The following GRM8 variants were observed in gnomAD, a reference collection of about 807,000 sequenced individuals.
The protein encoded by GRM8 is glutamate metabotropic receptor 8.
In GRM8, 47 loss-of-function variants were observed where a neutral mutation model predicts 87.2. The ratio of observed to expected loss-of-function variants is 0.54; its 90% CI spans 0.43 to 0.69. GRM8 has a LOEUF of 0.69. GRM8 is among the 30% of genes least tolerant of loss of function. GRM8 has a pLI of 0.00. For synonymous variants in GRM8, 396 were observed against 404.5 expected (o/e 0.98, Z 0.25); for missense variants, 1,019 against 1,139.2 (o/e 0.89, Z 1.52).
intron 3 of GRM8, among the ~76,000 whole-genome samples, chr7:126,972,645 T>C (rs1323795651): frequency 6.6e-6 from 1 of 152,236 alleles, no homozygotes; most frequent in Non-Finnish European, 1.5e-5. Flanking sequence ...AGGAAGGATA[T>C]TGTCAGTTCA....
At chr7:126,976,816 G>T (rs1154333) in intron 3 of GRM8, among the ~76,000 whole-genome samples, 116,775 of 151,946 alleles carry the variant, frequency 0.77, 45,225 homozygotes, top group East Asian at 0.97. Context: ...TCGACTTGAA[G>T]GAGAAGGAAG....
chr7:126,847,381 T>C (rs1796796380), intron 6 of GRM8, among the ~76,000 whole-genome samples: 1 of 152,184 alleles, frequency 6.6e-6, no homozygotes, highest in Non-Finnish European at 1.5e-5. Context: ...AGATATCTAA[T>C]GCTGTGTAAC....
intron 6 of GRM8, among the ~76,000 whole-genome samples, chr7:126,858,930 T>G (rs149493947): frequency 5.1e-4 from 78 of 152,242 alleles, no homozygotes; most frequent in African/African-American, 1.9e-3. Flanking sequence ...CTCTGCCTTG[T>G]TATTGGTTTT....
intron 6 of GRM8, among the ~76,000 whole-genome samples, chr7:126,801,693 G>A (rs1215219591): frequency 1.3e-5 from 2 of 152,036 alleles, no homozygotes; most frequent in African/African-American, 4.8e-5. Context: ...AGAGGGGAGG[G>A]AGAGGGAGAG....
At chr7:126,514,306 G>T (rs1811859728) in intron 9 of GRM8, among the ~76,000 whole-genome samples, 1 of 152,106 alleles carries the variant, frequency 6.6e-6, no homozygotes, top group African/African-American at 2.4e-5. Flanking sequence ...TTTTATAGGA[G>T]CCTAGTTCAA....
chr7:127,223,212 C>T (rs1457192133), intron 2 of GRM8, among the ~76,000 whole-genome samples: 1 of 152,054 alleles, frequency 6.6e-6, no homozygotes, highest in African/African-American at 2.4e-5. Flanking sequence ...AATGACATGG[C>T]AACGAGTTCC....
intron 7 of GRM8, among the ~76,000 whole-genome samples, chr7:126,710,827 T>A (rs1170412217): frequency 2.0e-5 from 3 of 152,224 alleles, no homozygotes; most frequent in African/African-American, 7.2e-5. Context: ...TTCAATTTCC[T>A]TTGCCTGGAT....
intron 7 of GRM8, among the ~76,000 whole-genome samples, chr7:126,645,996 C>T (rs1308912474): frequency 6.6e-6 from 1 of 152,104 alleles, no homozygotes; most frequent in Non-Finnish European, 1.5e-5. Context: ...TTTACTCACC[C>T]CCTCCCTCTC....
rs543998442 is a variant in GRM8 at position 126,622,878 on chromosome 7, A to C, written c.1358-13380T>G. 3.9e-4 allele frequency among the ~76,000 whole-genome samples: 60 copies of C among 152,242 alleles called. No individual in the cohort carries two copies. The South Asian group carries it at 0.012, about 32-fold the overall frequency. On this transcript the variant is annotated intron_variant, in intron 7 of 10. Transcript: ENST00000339582. ...ACATTTTAAGTTAAAATTTAACCTC[A>C]TTCCTCCACTGATGAGTCTCAAATT...
At chr7:127,033,069 C>T (rs1473901802) in intron 3 of GRM8, among the ~76,000 whole-genome samples, 4 of 146,530 alleles carry the variant, frequency 2.7e-5, no homozygotes, top group African/African-American at 1.0e-4. Context: ...AGCATAGTGA[C>T]AAGAATTTTT....
intron 6 of GRM8, among the ~76,000 whole-genome samples, chr7:126,778,774 C>T (rs1449898825): frequency 6.6e-6 from 1 of 152,060 alleles, no homozygotes; most frequent in African/African-American, 2.4e-5. Flanking sequence ...CTACCCCCAC[C>T]CCCAATATGT....
intron 3 of GRM8, among the ~76,000 whole-genome samples, chr7:127,077,771 A>G (rs1822438886): frequency 6.6e-6 from 1 of 152,128 alleles, no homozygotes. Context: ...CTTTCTCATT[A>G]TCTTGCTCCC....
At chr7:126,564,674 C>T (rs1794039416) in intron 8 of GRM8, among the ~76,000 whole-genome samples, 1 of 152,090 alleles carries the variant, frequency 6.6e-6, no homozygotes, top group Non-Finnish European at 1.5e-5. Flanking sequence ...AATGCCAACC[C>T]TTCTCAAACT....
At chr7:126,642,753 A>G (rs978016812) in intron 7 of GRM8, among the ~76,000 whole-genome samples, 1 of 152,144 alleles carries the variant, frequency 6.6e-6, no homozygotes, top group Admixed American at 6.5e-5. Context: ...GATTTCCTTT[A>G]AGAGGCAGTG....
At chr7:126,670,614 A>G (rs1427698512) in intron 7 of GRM8, among the ~76,000 whole-genome samples, 2 of 152,204 alleles carry the variant, frequency 1.3e-5, no homozygotes, top group South Asian at 4.1e-4. Context: ...TTTAACAGGT[A>G]CTTTCAAATA....
At chr7:126,619,529 A>G (rs539456238) in intron 7 of GRM8, among the ~76,000 whole-genome samples, 93 of 148,428 alleles carry the variant, frequency 6.3e-4, no homozygotes, top group Non-Finnish European at 1.4e-3. Context: ...AAAAGGAAAA[A>G]AAAGAAATGC....
At chr7:126,674,825 TA>T (rs1442744633) in intron 7 of GRM8, among the ~76,000 whole-genome samples, 1 of 151,902 alleles carries the variant, frequency 6.6e-6, no homozygotes, top group Non-Finnish European at 1.5e-5. Flanking sequence ...GGAAAAATAA[TA>T]GGGGGAAAAA....
At chr7:126,467,148 C>A (rs1804593453) in intron 9 of GRM8, among the ~76,000 whole-genome samples, 1 of 151,406 alleles carries the variant, frequency 6.6e-6, no homozygotes, top group Non-Finnish European at 1.5e-5. Context: ...TCTCCTAGCC[C>A]CCCACCCCCC....
chr7:127,105,253 T>C (rs1439955223), intron 3 of GRM8: 3 of 152,192 alleles, frequency 2.0e-5, no homozygotes, highest in Non-Finnish European at 4.4e-5. Context: ...AGTAATGATA[T>C]AAATTCCCAG....
Sources: allele counts gnomAD v4.1 joint callset (sites outside exome capture counted in the v4.1 genomes callset), GRCh38; gene constraint gnomAD v4.1.1; transcripts MANE v1.5; gene names NCBI Gene and HGNC (gene_info 2026-07-23, HGNC 2026-07-21).